The following ERBB4 variants were observed in gnomAD, a reference collection of about 807,000 sequenced individuals.
ERBB4 encodes the protein receptor tyrosine-protein kinase erbB-4.
ERBB4 carries 42 observed loss-of-function variants against 158.0 expected under a neutral mutation model. That is an observed-to-expected ratio of 0.27 (90% confidence interval 0.21 to 0.34). The LOEUF (loss-of-function observed/expected upper bound fraction) is 0.34, where lower values mean the gene tolerates loss of function less well. ERBB4 is among the 10% of genes least tolerant of loss of function. The pLI is 1.00. For synonymous variants in ERBB4, 583 were observed against 558.7 expected (o/e 1.04, Z -0.61); for missense variants, 1,333 against 1,624.1 (o/e 0.82, Z 3.08).
chr2:211,902,517 A>C (rs1290700829), intron 3 of ERBB4, among the ~76,000 whole-genome samples: 1 of 152,006 alleles, frequency 6.6e-6, no homozygotes, highest in African/African-American at 2.4e-5. Context: ...TTTTAAACTA[A>C]ACATCTTTTC....
At chr2:211,578,324 A>G (rs2067955545) in intron 19 of ERBB4, among the ~76,000 whole-genome samples, 1 of 152,224 alleles carries the variant, frequency 6.6e-6, no homozygotes, top group African/African-American at 2.4e-5. Flanking sequence ...AAGTGGAAAC[A>G]TATTCCATGT....
chr2:211,931,093 C>A (rs1013438977), intron 3 of ERBB4, among the ~76,000 whole-genome samples: 1 of 152,072 alleles, frequency 6.6e-6, no homozygotes, highest in Non-Finnish European at 1.5e-5. Context: ...AGGCTTGGCA[C>A]CACTGTTAAG....
chr2:211,890,414 A>G (rs1162616561), intron 3 of ERBB4, among the ~76,000 whole-genome samples: 2 of 150,432 alleles, frequency 1.3e-5, no homozygotes, highest in African/African-American at 2.5e-5. Context: ...AGCGCTAAAC[A>G]TGGAAAGGAA....
intron 20 of ERBB4, among the ~76,000 whole-genome samples, chr2:211,534,051 G>C (rs116462498): frequency 2.6e-3 from 392 of 152,074 alleles, no homozygotes; most frequent in African/African-American, 9.0e-3. Flanking sequence ...TGCAGCTGTG[G>C]GATTATTTGG....
intron 2 of ERBB4, among the ~76,000 whole-genome samples, chr2:211,987,249 A>C (rs1276371273): frequency 1.4e-5 from 2 of 141,752 alleles, no homozygotes; most frequent in African/African-American, 5.3e-5. Flanking sequence ...TGAACCCAGG[A>C]GGTAGAGGTT....
chr2:212,102,958 T>C lies in ERBB4; in HGVS notation c.234+21794A>G, dbSNP rs542152261. ...TAGACTGCTGCAATTAACTAACCAGTATTTCTACTTCAACTTCTGCTCTTC... is the reference window on the plus strand; with the variant it reads ...TAGACTGCTGCAATTAACTAACCAGCATTTCTACTTCAACTTCTGCTCTTC... On this transcript the variant is annotated intron_variant, in intron 2 of 27. Coordinates refer to ENST00000342788, the MANE Select transcript of ERBB4 (RefSeq NM_005235.3). Among the ~76,000 whole-genome samples, 12 of 152,270 alleles carry C rather than the reference T, an allele frequency of 7.9e-5. No homozygotes were observed. The South Asian group carries it at 2.5e-3, about 32-fold the overall frequency.
In ERBB4 at chr2:212,322,659, A is replaced by G. The variant is rs2087621850; in HGVS notation, c.83-197756T>C. ...CTACCATTACCCTGGCCACATGCTC[A>G]TGCAGCTTTTCAAATTAATATGCCT... On this transcript the variant is annotated intron_variant, in intron 1 of 27. Transcript: ENST00000342788. Among the ~76,000 whole-genome samples the G allele has an allele frequency of 1.3e-5, 2 of 150,258 alleles. 1 individual carries two copies. The highest frequency in any genetic ancestry group is 3.0e-5 in the Non-Finnish European group (2 of 67,002).
chr2:212,269,307 A>T (rs530727396), intron 1 of ERBB4, among the ~76,000 whole-genome samples: 1 of 151,992 alleles, frequency 6.6e-6, no homozygotes, highest in East Asian at 1.9e-4. Context: ...AGAAATCAGA[A>T]ATATAGGAGA....
intron 19 of ERBB4, among the ~76,000 whole-genome samples, chr2:211,605,560 C>T (rs1359886513): frequency 2.0e-5 from 3 of 152,024 alleles, no homozygotes; most frequent in Non-Finnish European, 4.4e-5. Context: ...ACTGAATTCA[C>T]CACATCTGGT....
intron 2 of ERBB4, among the ~76,000 whole-genome samples, chr2:212,024,825 T>G (rs1306045084): frequency 6.6e-6 from 1 of 151,686 alleles, no homozygotes; most frequent in African/African-American, 2.4e-5. Context: ...AGAGTAAAAT[T>G]ATATTGGAGT....
intron 7 of ERBB4, among the ~76,000 whole-genome samples, chr2:211,713,939 A>G (rs2106089970): frequency 6.6e-6 from 1 of 152,302 alleles, no homozygotes; most frequent in Non-Finnish European, 1.5e-5. Context: ...CGTGACATTT[A>G]GCTTGTGTGT....
intron 1 of ERBB4, among the ~76,000 whole-genome samples, chr2:212,380,862 AAAT>A (rs2090480968): frequency 6.6e-6 from 1 of 151,198 alleles, no homozygotes; most frequent in Non-Finnish European, 1.5e-5. Flanking sequence ...AAGTTTATTC[AAAT>A]AATATTTTCA....
intron 2 of ERBB4, among the ~76,000 whole-genome samples, chr2:212,099,369 AGTTAT>A (rs1489677079): frequency 6.6e-6 from 1 of 152,076 alleles, no homozygotes; most frequent in Non-Finnish European, 1.5e-5. Flanking sequence ...CTATCTATCT[AGTTAT>A]AAGAAAATTA....
At chr2:212,014,282 T>C (rs1040423301) in intron 2 of ERBB4, among the ~76,000 whole-genome samples, 3 of 152,180 alleles carry the variant, frequency 2.0e-5, no homozygotes, top group Non-Finnish European at 2.9e-5. Flanking sequence ...GTAGGTGAGA[T>C]TTTTTAGGGG....
chr2:212,109,466 C>T (rs2079337121), intron 2 of ERBB4, among the ~76,000 whole-genome samples: 1 of 152,214 alleles, frequency 6.6e-6, no homozygotes, highest in African/African-American at 2.4e-5. Flanking sequence ...TCACCAAGGT[C>T]AACACACCCA....
chr2:211,909,191 A>G (rs1427965502), intron 3 of ERBB4, among the ~76,000 whole-genome samples: 1 of 151,818 alleles, frequency 6.6e-6, no homozygotes, highest in African/African-American at 2.4e-5. Flanking sequence ...ATTTCAAAGC[A>G]TACCTTTTCC....
intron 20 of ERBB4, among the ~76,000 whole-genome samples, chr2:211,461,698 A>G (rs2064535899): frequency 6.6e-6 from 1 of 152,176 alleles, no homozygotes; most frequent in Non-Finnish European, 1.5e-5. Flanking sequence ...ACACACTACG[A>G]AATGTAGGCC....
At chr2:211,489,313 G>A (rs968175870) in intron 20 of ERBB4, among the ~76,000 whole-genome samples, 3 of 152,004 alleles carry the variant, frequency 2.0e-5, no homozygotes, top group African/African-American at 4.8e-5. Flanking sequence ...GAAATGAGCT[G>A]AATTTTGGGA....
intron 2 of ERBB4, among the ~76,000 whole-genome samples, chr2:211,956,506 A>G (rs910056181): frequency 6.6e-6 from 1 of 151,890 alleles, no homozygotes; most frequent in Non-Finnish European, 1.5e-5. Flanking sequence ...TCTTAGTTTG[A>G]CTCCTGTCTC....
Sources: allele counts gnomAD v4.1 joint callset (sites outside exome capture counted in the v4.1 genomes callset), GRCh38; gene constraint gnomAD v4.1.1; transcripts MANE v1.5; gene names NCBI Gene and HGNC (gene_info 2026-07-23, HGNC 2026-07-21).